WDFY4: variants seen among roughly 807,000 people sequenced by gnomAD.
WDFY4 encodes WD repeat- and FYVE domain-containing protein 4.
Under a neutral mutation model 351.9 loss-of-function variants are expected in WDFY4, and 169 were observed. That is an observed-to-expected ratio of 0.48 (90% CI 0.42 to 0.55). The LOEUF (loss-of-function observed/expected upper bound fraction) is 0.55, where lower values mean the gene tolerates loss of function less well. Ranked by LOEUF, WDFY4 falls within the 20% of genes least tolerant of loss-of-function variation. The pLI is 0.00. For synonymous variants in WDFY4, 1,622 were observed against 1,574.6 expected, an observed-to-expected ratio of 1.03 and a Z score of -0.71; for missense variants, 3,803 against 3,935.6, an observed-to-expected ratio of 0.97 and a Z score of 0.90.
chr10:48,802,532 T>G (rs1340068421), intron 24 of WDFY4, among the ~76,000 whole-genome samples: 2 of 152,156 alleles, frequency 1.3e-5, no homozygotes, highest in East Asian at 3.9e-4. Context: ...CCTTAGGAAC[T>G]GTCAGTATTT....
At chr10:48,897,287 C>T (rs1469823296) in intron 44 of WDFY4, among the ~76,000 whole-genome samples, 167 bp from the exon 45 acceptor site, 1 of 152,214 alleles carries the variant, frequency 6.6e-6, no homozygotes, top group Non-Finnish European at 1.5e-5. Context: ...GCAAGGATTT[C>T]TCAGATGAGT....
intron 39 of WDFY4, among the ~76,000 whole-genome samples, chr10:48,843,089 G>A (rs2068663624): frequency 6.6e-6 from 1 of 152,192 alleles, no homozygotes; most frequent in Non-Finnish European, 1.5e-5. Context: ...CCCGTTTAAA[G>A]GTGCATTGTA....
chr10:48,826,574 T>G, intron 35 of WDFY4, 97 bp from the exon 36 acceptor site: 1 of 950,652 alleles, frequency 1.1e-6, no homozygotes, highest in Non-Finnish European at 1.6e-6. Context: ...GCCATGTCAC[T>G]TTTTGATTAT....
intron 39 of WDFY4, among the ~76,000 whole-genome samples, chr10:48,833,141 ATGTGTGTGTGTG>A (rs1227956041): frequency 1.4e-5 from 2 of 141,626 alleles, no homozygotes; most frequent in African/African-American, 5.5e-5. Context: ...GGCACCAACA[ATGTGTGTGTGTG>A]TGTGTGTGTG....
At chr10:48,691,094 G>A (rs1464071822) in intron 1 of WDFY4, among the ~76,000 whole-genome samples, 1 of 152,210 alleles carries the variant, frequency 6.6e-6, no homozygotes, top group Non-Finnish European at 1.5e-5. Context: ...CACAGCCTGA[G>A]GCAGGGGCTC....
rs142610786 is a variant in WDFY4, at chr10:48,818,034, G to A, written c.5505+625G>A. On this transcript the variant is annotated intron_variant, in intron 32 of 61. Transcript: ENST00000325239. ...GTCAAAGCTTGGCTGGGTCAGGGCC[G>A]TGTGGGACTCAGGTAGGCTAAGACC... Among the ~76,000 whole-genome samples, 873 of 152,366 alleles carry A rather than the reference G, an allele frequency of 5.7e-3. 6 individuals are homozygous for A. Among genetic ancestry groups the A allele is most frequent in the South Asian group, 0.021 (102 of 4,830 alleles).
chr10:48,853,189 T>C (rs1254496309), intron 39 of WDFY4, among the ~76,000 whole-genome samples: 1 of 152,152 alleles, frequency 6.6e-6, no homozygotes, highest in African/African-American at 2.4e-5. Context: ...TTACTCTCCT[T>C]GAGGGATCTT....
chr10:48,903,173 A>G (rs564904839), intron 47 of WDFY4, among the ~76,000 whole-genome samples: 4 of 152,314 alleles, frequency 2.6e-5, no homozygotes, highest in African/African-American at 9.6e-5. Flanking sequence ...GACCCAGGGA[A>G]GAGCAAGGCA....
chr10:48,716,597 G>A (rs1052902234), intron 2 of WDFY4, among the ~76,000 whole-genome samples: 1 of 152,178 alleles, frequency 6.6e-6, no homozygotes. Flanking sequence ...GCCTGAAAGA[G>A]TTAACGCAGC....
chr10:48,967,578 A>G (rs1053824649), intron 55 of WDFY4: 1 of 152,174 alleles, frequency 6.6e-6, no homozygotes, highest in African/African-American at 2.4e-5. Flanking sequence ...GGCTGCCACC[A>G]AGGCTCAGAG....
chr10:48,763,263 T>G (rs1158927191), intron 13 of WDFY4, among the ~76,000 whole-genome samples: 1 of 152,232 alleles, frequency 6.6e-6, no homozygotes, highest in East Asian at 1.9e-4. Context: ...TTGTTTGGCT[T>G]TCTAAGATTG....
chr10:48,699,842 G>T (rs2063431032), intron 1 of WDFY4, among the ~76,000 whole-genome samples: 1 of 152,146 alleles, frequency 6.6e-6, no homozygotes, highest in Non-Finnish European at 1.5e-5. Flanking sequence ...TAGATGATAG[G>T]ATTCTTCTGC....
intron 8 of WDFY4, 41 bp downstream of exon 8, chr10:48,729,630 C>T (rs1443330791): frequency 1.9e-6 from 3 of 1,546,546 alleles, no homozygotes; most frequent in Non-Finnish European, 1.7e-6. Context: ...AGAGTCAGTG[C>T]TGAGCCCTGA....
At position 48,885,734 on chromosome 10, in the gene WDFY4, C is replaced by CTA. The variant is rs60188648; in HGVS notation, c.7168-4836_7168-4835dup. The stretch of plus-strand genomic sequence containing the variant: ...AGATGTTCTCTCTCTCTCTCTCTCT[C>CTA]TATATATATAGATAGATAGGTAGAT... On this transcript the variant is annotated intron_variant, in intron 43 of 61. Transcript: ENST00000325239. Among the ~76,000 whole-genome samples, 189 of 151,268 alleles carry CTA rather than the reference C, an allele frequency of 1.2e-3. 1 individual carries two copies. Among genetic ancestry groups the CTA allele is most frequent in the African/African-American group, 3.8e-3 (158 of 41,168 alleles).
intron 25 of WDFY4, chr10:48,804,633 C>A: frequency 1.3e-6 from 1 of 771,930 alleles, no homozygotes; most frequent in Non-Finnish European, 1.6e-6. Flanking sequence ...CCACATTTTT[C>A]TCCACCATTT....
chr10:48,890,535 A>C (rs146180201), intron 43 of WDFY4, 44 bp from the exon 44 acceptor site: 550 of 1,550,598 alleles, frequency 3.5e-4, no homozygotes, highest in Admixed American at 5.5e-4. Context: ...AATCATGGGC[A>C]TGCTTCCTGT....
Position 48,780,573 on chromosome 10 carries a change from G to A in WDFY4, c.3576+454G>A, listed in dbSNP as rs111341048. Among the ~76,000 whole-genome samples the A allele has an allele frequency of 4.2e-3, 646 of 152,300 alleles. 2 individuals are homozygous for A. Among genetic ancestry groups the A allele is most frequent in the African/African-American group, 0.015 (610 of 41,546 alleles). On this transcript the variant is annotated intron_variant, in intron 19 of 61. Transcript: ENST00000325239. ...CACTAGAGTGGGCAGACACCAACACGTGTCGTCAGATTTAGAGCAAGAACC... is the reference window on the plus strand; with the variant it reads ...CACTAGAGTGGGCAGACACCAACACATGTCGTCAGATTTAGAGCAAGAACC...
At chr10:48,932,433 G>GAA (rs1840071565) in intron 47 of WDFY4, 1 of 152,152 alleles carries the variant, frequency 6.6e-6, no homozygotes, top group Non-Finnish European at 1.5e-5. Flanking sequence ...AGTGATTGCA[G>GAA]AAAAAGAGAT....
intron 22 of WDFY4, among the ~76,000 whole-genome samples, chr10:48,790,315 G>A (rs571713785): frequency 1.5e-3 from 228 of 152,288 alleles, no homozygotes; most frequent in Non-Finnish European, 2.7e-3. Context: ...GAAAACTGCT[G>A]GTCACCATTC....
Sources: allele counts gnomAD v4.1 joint callset (sites outside exome capture counted in the v4.1 genomes callset), GRCh38; gene constraint gnomAD v4.1.1; transcripts MANE v1.5; gene names NCBI Gene and HGNC (gene_info 2026-07-23, HGNC 2026-07-21).